Variants in STIM1 observed in about 807,000 individuals in gnomAD.
STIM1 encodes stromal interaction molecule 1.
A neutral mutation model predicts 74.7 loss-of-function variants in STIM1; 25 were observed. The ratio of observed to expected loss-of-function variants is 0.33; its 90% CI spans 0.24 to 0.47. The LOEUF (loss-of-function observed/expected upper bound fraction) is 0.47, where lower values mean the gene tolerates loss of function less well. Ranked by LOEUF, STIM1 falls within the 20% of genes least tolerant of loss-of-function variation. The probability of loss-of-function intolerance (pLI) is 1.00; values close to 1 mark genes in which losing one functional copy is unlikely to be tolerated. For missense variants in STIM1, 728 were observed against 920.8 expected (o/e 0.79, Z 2.71); for synonymous variants, 328 against 348.8 (o/e 0.94, Z 0.66).
At chr11:4,036,776 T>C (rs981432581) in intron 3 of STIM1, among the ~76,000 whole-genome samples, 1 of 152,196 alleles carries the variant, frequency 6.6e-6, no homozygotes, top group Non-Finnish European at 1.5e-5. Context: ...GATGGATAGA[T>C]TGCAAACATT....
intron 5 of STIM1, 85 bp downstream of exon 5, chr11:4,059,481 T>A: frequency 9.1e-7 from 1 of 1,093,616 alleles, no homozygotes; most frequent in Non-Finnish European, 1.4e-6. Flanking sequence ...AGGCTCTGGG[T>A]CTCCTAGGCA....
intron 3 of STIM1, among the ~76,000 whole-genome samples, chr11:4,035,398 T>G (rs2132950756): frequency 6.6e-6 from 1 of 152,172 alleles, no homozygotes; most frequent in East Asian, 1.9e-4. Context: ...CTTCAATAAC[T>G]TAGTATCCCT....
In STIM1 at chr11:3,970,782, C is replaced by CT. The variant is rs1366983365; in HGVS notation, c.270+3107dup. Among the ~76,000 whole-genome samples, 18 of 152,040 alleles carry CT rather than the reference C, an allele frequency of 1.2e-4. No homozygotes were observed. In the East Asian group the frequency reaches 3.1e-3, roughly 26 times the overall value. On this transcript the variant is annotated intron_variant, in intron 2 of 12. Transcript: ENST00000526596. ...AAAGAAGTTAAATACATGGGTTTTT[C>CT]TTTTTTTGTTTTACTGCTGTGCTTG...
intron 2 of STIM1, among the ~76,000 whole-genome samples, chr11:4,002,198 G>T (rs1195531208): frequency 6.7e-6 from 1 of 149,254 alleles, no homozygotes; most frequent in Non-Finnish European, 1.5e-5. Context: ...AGTTAACAAG[G>T]ATACCCAGGA....
chr11:3,964,838 C>T (rs2093324734), intron 1 of STIM1, among the ~76,000 whole-genome samples: 1 of 151,836 alleles, frequency 6.6e-6, no homozygotes, highest in African/African-American at 2.4e-5. Flanking sequence ...GATCCTCCTA[C>T]CTCAGCCTCC....
At chr11:3,994,123 C>T (rs749508530) in intron 2 of STIM1, among the ~76,000 whole-genome samples, 10 of 152,064 alleles carry the variant, frequency 6.6e-5, no homozygotes, top group African/African-American at 1.7e-4. Context: ...AGAGTTTTGC[C>T]GGATGTACAA....
intron 3 of STIM1, among the ~76,000 whole-genome samples, chr11:4,051,195 C>T (rs1252942578): frequency 6.6e-6 from 1 of 152,154 alleles, no homozygotes; most frequent in African/African-American, 2.4e-5. Flanking sequence ...TTTGCATCAA[C>T]ACACTTATAA....
intron 1 of STIM1, among the ~76,000 whole-genome samples, chr11:3,877,386 C>T (rs2091338810): frequency 6.6e-6 from 1 of 152,134 alleles, no homozygotes; most frequent in East Asian, 1.9e-4. Flanking sequence ...AGCAAGGTCA[C>T]ATTTACACTG....
intron 2 of STIM1, among the ~76,000 whole-genome samples, chr11:4,010,998 TGAG>T (rs2093830794): frequency 6.6e-6 from 1 of 152,174 alleles, no homozygotes; most frequent in African/African-American, 2.4e-5. Flanking sequence ...GATATTTTGC[TGAG>T]AATGATGGTT....
At chr11:3,858,368 T>TATAC (rs2090468957) in intron 1 of STIM1, among the ~76,000 whole-genome samples, 1 of 152,162 alleles carries the variant, frequency 6.6e-6, no homozygotes, top group Non-Finnish European at 1.5e-5. Flanking sequence ...CTATGCTGAT[T>TATAC]ATACCACTTA....
At chr11:3,913,835 A>G (rs2092602418) in intron 1 of STIM1, among the ~76,000 whole-genome samples, 2 of 152,140 alleles carry the variant, frequency 1.3e-5, no homozygotes, top group South Asian at 2.1e-4. Flanking sequence ...GGATTTACCT[A>G]TTTTGGATAT....
chr11:3,986,332 G>T (rs1455278482), intron 2 of STIM1, among the ~76,000 whole-genome samples: 1 of 152,180 alleles, frequency 6.6e-6, no homozygotes, highest in Non-Finnish European at 1.5e-5. Flanking sequence ...TGGGGAGGGG[G>T]CTGAGCATGA....
intron 2 of STIM1, among the ~76,000 whole-genome samples, chr11:3,975,306 A>G (rs1236809587): frequency 2.6e-5 from 4 of 152,222 alleles, no homozygotes; most frequent in Non-Finnish European, 5.9e-5. Context: ...AAGAATTCTC[A>G]AAACTCGACA....
chr11:3,923,438 G>T (rs2092745373), intron 1 of STIM1, among the ~76,000 whole-genome samples: 1 of 151,842 alleles, frequency 6.6e-6, no homozygotes, highest in African/African-American at 2.4e-5. Context: ...ATGAAACTCT[G>T]TCTCTACTAA....
chr11:3,958,433 A>C (rs887366589), intron 1 of STIM1, among the ~76,000 whole-genome samples: 6 of 139,902 alleles, frequency 4.3e-5, no homozygotes, highest in Non-Finnish European at 8.2e-5. Flanking sequence ...TTTGTCCAGA[A>C]GAAAAGATCT....
At chr11:4,034,055 C>T (rs2094077378) in intron 3 of STIM1, among the ~76,000 whole-genome samples, 1 of 151,520 alleles carries the variant, frequency 6.6e-6, no homozygotes, top group African/African-American at 2.4e-5. Flanking sequence ...ATTGTGAAAC[C>T]TCATCTCTAC....
At chr11:3,958,522 A>G (rs1335802997) in intron 1 of STIM1, among the ~76,000 whole-genome samples, 2 of 152,166 alleles carry the variant, frequency 1.3e-5, no homozygotes, top group East Asian at 1.9e-4. Flanking sequence ...AGACGCAGGA[A>G]TATCTCTCAG....
rs376329167 is a variant in STIM1, at chr11:3,992,081, G to GC, written c.270+24399_270+24400insC. Among the ~76,000 whole-genome samples, 109 of 91,970 alleles carry GC rather than the reference G, an allele frequency of 1.2e-3. 8 individuals are homozygous for GC. Among genetic ancestry groups the GC allele is most frequent in the South Asian group, 2.8e-3 (7 of 2,512 alleles). The allele number at this position is 91,970 out of a possible 152,430, so 60.3% of individuals were successfully genotyped here. On this transcript the variant is annotated intron_variant, in intron 2 of 12. Coordinates refer to ENST00000526596, the MANE Select transcript of STIM1 (RefSeq NM_001382567.1). Reference sequence around the variant, plus strand: ...TTTCTCTGCAGCCTTGCCAACATCTGTTTTTTTGTTTTTTTTTTTTTTTTT... The same window carrying GC: ...TTTCTCTGCAGCCTTGCCAACATCTGCTTTTTTTGTTTTTTTTTTTTTTTTT...
At chr11:4,065,927 A>G (rs977338690) in intron 5 of STIM1, among the ~76,000 whole-genome samples, 5 of 152,118 alleles carry the variant, frequency 3.3e-5, no homozygotes, top group Non-Finnish European at 7.4e-5. Flanking sequence ...GGTGGAGAGA[A>G]TAGATTGGGA....
Sources: allele counts gnomAD v4.1 joint callset (sites outside exome capture counted in the v4.1 genomes callset), GRCh38; gene constraint gnomAD v4.1.1; transcripts MANE v1.5; gene names NCBI Gene and HGNC (gene_info 2026-07-23, HGNC 2026-07-21).